The following ECSIT variants were observed in gnomAD, a reference collection of about 807,000 sequenced individuals.
The protein encoded by ECSIT is ECSIT signaling integrator.
In ECSIT, 29 loss-of-function variants were observed where a neutral mutation model predicts 36.8. The observed-to-expected ratio is 0.79, with a 90% CI of 0.59 to 1.08. The LOEUF (loss-of-function observed/expected upper bound fraction) is 1.08, where lower values mean the gene tolerates loss of function less well. Ranked by LOEUF, ECSIT falls within the 50% of genes least tolerant of loss-of-function variation. The pLI, the probability that ECSIT is intolerant of heterozygous loss-of-function variation, is 0.00. For synonymous variants in ECSIT, 231 were observed against 234.8 expected (o/e 0.98, Z 0.15); for missense variants, 542 against 581.0 (o/e 0.93, Z 0.69).
intron 1 of ECSIT, chr19:11,522,506 G>A: frequency 2.9e-6 from 3 of 1,032,726 alleles, no homozygotes; most frequent in African/African-American, 1.6e-5. Context: ...TAGGGGTAGG[G>A]CCCTCACCCA....
intron 4 of ECSIT, among the ~76,000 whole-genome samples, chr19:11,508,609 A>G (rs1195933214): frequency 6.6e-6 from 1 of 151,980 alleles, no homozygotes; most frequent in African/African-American, 2.4e-5. Context: ...CTGGAGTGCA[A>G]TGGCATGATC....
At chr19:11,522,268 A>G in intron 1 of ECSIT, 1 of 639,800 alleles carries the variant, frequency 1.6e-6, no homozygotes, top group South Asian at 1.7e-5. Flanking sequence ...TTGGGACCTG[A>G]CCACCACGGG....
At position 11,506,239 on chromosome 19, in the gene ECSIT, T is replaced by A; in HGVS notation, c.1241A>T (p.Glu414Val). ...GTTGTCGTCTTCTTCCTGGTGGTCC[T>A]CGGGCAGGGGCGGCTCCTCCAGCCC... Reference protein sequence around the residue: ...SAGLEEPPLPEDHQEEDDNLQ... With the variant: ...SAGLEEPPLPVDHQEEDDNLQ... Residue 414 changes from glutamate to valine, a missense_variant, in exon 8 of 8, where the codon GAG becomes GTG. By Grantham distance (121) the Glu-to-Val change is moderately radical. Transcript: ENST00000270517. The A allele has an allele frequency of 1.2e-6, 2 of 1,609,688 alleles. No homozygotes were observed. The highest frequency in any genetic ancestry group is 1.7e-6 in the Non-Finnish European group (2 of 1,179,874).
intron 4 of ECSIT, among the ~76,000 whole-genome samples, chr19:11,511,160 T>C (rs1467035308): frequency 6.6e-6 from 1 of 152,140 alleles, no homozygotes; most frequent in Non-Finnish European, 1.5e-5. Flanking sequence ...TTAAGGAAAC[T>C]GTTATCTGTC....
At chr19:11,522,426 G>A (rs921693447) in intron 1 of ECSIT, 14 of 1,439,014 alleles carry the variant, frequency 9.7e-6, no homozygotes, top group South Asian at 3.5e-5. Flanking sequence ...TCAAGTTCCC[G>A]CTGCCCCACC....
chr19:11,524,462 C>T (rs950660981), intron 1 of ECSIT, among the ~76,000 whole-genome samples: 2 of 151,616 alleles, frequency 1.3e-5, no homozygotes, highest in Admixed American at 6.6e-5. Flanking sequence ...GTGGAGTTTA[C>T]AGTCAGCCGA....
At chr19:11,507,896 C>T in intron 5 of ECSIT, 46 bp from the exon 6 acceptor site, 2 of 1,613,906 alleles carry the variant, frequency 1.2e-6, no homozygotes, top group East Asian at 2.2e-5. Flanking sequence ...GGGACTCGGC[C>T]CAGAGGCCCA....
chr19:11,525,103 C>G (rs1381972393), intron 1 of ECSIT, among the ~76,000 whole-genome samples: 2 of 152,150 alleles, frequency 1.3e-5, no homozygotes, highest in Non-Finnish European at 2.9e-5. Context: ...CACCACTGCA[C>G]TCCAGCCTGG....
intron 1 of ECSIT, among the ~76,000 whole-genome samples, chr19:11,525,386 T>C (rs2145004475): frequency 6.6e-6 from 1 of 151,888 alleles, no homozygotes; most frequent in Non-Finnish European, 1.5e-5. Flanking sequence ...AGTATACACC[T>C]GTCTGTGTTC....
intron 1 of ECSIT, 185 bp downstream of exon 1, chr19:11,528,877 G>A (rs1018649058): frequency 1.3e-5 from 2 of 152,252 alleles, no homozygotes; most frequent in Non-Finnish European, 2.9e-5. Flanking sequence ...GGGAGACTGG[G>A]GGCGTGAGGC....
intron 1 of ECSIT, among the ~76,000 whole-genome samples, chr19:11,527,877 C>G (rs1372617249): frequency 6.6e-6 from 1 of 152,094 alleles, no homozygotes; most frequent in Non-Finnish European, 1.5e-5. Flanking sequence ...ACCTGTAGTT[C>G]CAGCTACTGG....
rs1972240973 is a variant in ECSIT, at chr19:11,527,543, T to G, written c.-24+1519A>C. 1.3e-5 allele frequency among the ~76,000 whole-genome samples: 2 copies of G among 150,968 alleles called. 1 individual carries two copies. Among genetic ancestry groups the G allele is most frequent in the Admixed American group, 1.3e-4 (2 of 15,118 alleles). ...AAAAAAATTAAGAATTATCCAGGCA[T>G]GGTGGTGAATGCCTGTCATCTCAGG... On this transcript the variant is annotated intron_variant, in intron 1 of 7. Coordinates refer to ENST00000270517, the MANE Select transcript of ECSIT (RefSeq NM_016581.5).
intron 1 of ECSIT, chr19:11,521,947 G>A (rs1041237147): frequency 3.0e-5 from 5 of 166,136 alleles, no homozygotes; most frequent in African/African-American, 4.8e-5. Flanking sequence ...TGCCGGTGGC[G>A]GCAAGCATGG....
At chr19:11,518,053 G>A (rs1009253471) in intron 2 of ECSIT, among the ~76,000 whole-genome samples, 2 of 151,886 alleles carry the variant, frequency 1.3e-5, no homozygotes, top group African/African-American at 4.8e-5. Context: ...AGCACTTTGG[G>A]AGGCCAAAGT....
intron 2 of ECSIT, among the ~76,000 whole-genome samples, chr19:11,517,046 A>C (rs1972013573): frequency 6.6e-6 from 1 of 152,064 alleles, no homozygotes; most frequent in Non-Finnish European, 1.5e-5. Flanking sequence ...TTTACCAAAT[A>C]TTCTTCCACT....
chr19:11,511,204 CT>C (rs1484166272), intron 4 of ECSIT, among the ~76,000 whole-genome samples: 8 of 152,182 alleles, frequency 5.3e-5, no homozygotes, highest in Non-Finnish European at 5.9e-5. Context: ...GAGGGGCTCT[CT>C]TTGGATCCCT....
intron 1 of ECSIT, among the ~76,000 whole-genome samples, chr19:11,520,235 C>T (rs1264032932): frequency 6.6e-6 from 1 of 151,990 alleles, no homozygotes; most frequent in East Asian, 1.9e-4. Context: ...GCAATAGTGC[C>T]ATCTCGGCTC....
chr19:11,525,934 C>T (rs753921279), intron 1 of ECSIT, among the ~76,000 whole-genome samples: 5 of 151,418 alleles, frequency 3.3e-5, no homozygotes, highest in Admixed American at 1.3e-4. Context: ...AGCAAAATCT[C>T]GGCCCTATCC....
At chr19:11,523,228 C>T (rs1972144396) in intron 1 of ECSIT, among the ~76,000 whole-genome samples, 1 of 152,174 alleles carries the variant, frequency 6.6e-6, no homozygotes, top group Non-Finnish European at 1.5e-5. Context: ...TGATGATCCA[C>T]TTCCACCTAA....
Sources: gnomAD v4.1 joint callset for allele counts (sites outside exome capture counted in the v4.1 genomes callset) on GRCh38, gnomAD v4.1.1 for gene constraint, MANE v1.5 for transcripts, NCBI Gene and HGNC (gene_info 2026-07-23, HGNC 2026-07-21) for gene names.